The following P2RX3 variants were observed in gnomAD, a reference collection of about 807,000 sequenced individuals.
P2RX3 encodes the protein P2X purinoceptor 3.
In P2RX3, 41 loss-of-function variants were observed where a neutral mutation model predicts 51.5. The ratio of observed to expected loss-of-function variants is 0.80; its 90% CI spans 0.62 to 1.03. The LOEUF (loss-of-function observed/expected upper bound fraction) is 1.03, where lower values mean the gene tolerates loss of function less well. Ranked by LOEUF, P2RX3 falls within the 50% of genes least tolerant of loss-of-function variation. The probability of loss-of-function intolerance (pLI) is 0.00; values close to 1 mark genes in which losing one functional copy is unlikely to be tolerated. For missense variants in P2RX3, 459 were observed against 522.1 expected (o/e 0.88, Z 1.18); for synonymous variants, 185 against 191.6 (o/e 0.97, Z 0.29).
intron 8 of P2RX3, among the ~76,000 whole-genome samples, chr11:57,352,524 C>T (rs780634731): frequency 1.3e-5 from 2 of 152,100 alleles, no homozygotes; most frequent in Non-Finnish European, 2.9e-5. Flanking sequence ...TCATAACTTC[C>T]CTTTGGCCAT....
At chr11:57,351,714 T>A (rs955182308) in intron 8 of P2RX3, among the ~76,000 whole-genome samples, 1 of 152,224 alleles carries the variant, frequency 6.6e-6, no homozygotes, top group Non-Finnish European at 1.5e-5. Context: ...TTCTGAATCA[T>A]TCATTTATTG....
At chr11:57,360,617 CCT>C (rs1450268926) in intron 8 of P2RX3, among the ~76,000 whole-genome samples, 2 of 151,152 alleles carry the variant, frequency 1.3e-5, no homozygotes, top group Admixed American at 6.6e-5. Flanking sequence ...ATGGTGAACC[CCT>C]GTCTCTACTA....
intron 8 of P2RX3, among the ~76,000 whole-genome samples, chr11:57,364,196 A>C (rs1856763633): frequency 6.6e-6 from 1 of 152,068 alleles, no homozygotes; most frequent in Non-Finnish European, 1.5e-5. Context: ...CCCACTACCC[A>C]TGGGCATGAG....
At chr11:57,347,219 G>C in intron 3 of P2RX3, 32 bp downstream of exon 3, 2 of 1,607,900 alleles carry the variant, frequency 1.2e-6, no homozygotes, top group Non-Finnish European at 1.7e-6. Context: ...GGTGAAGCAG[G>C]TCAAGGCTGA....
At position 57,371,051 on chromosome 11, in the gene P2RX3, A is replaced by G. The variant is rs1469158110; in HGVS notation, c.*1054A>G. Among the ~76,000 whole-genome samples the G allele has an allele frequency of 6.6e-6, 1 of 152,124 alleles. No individual in the cohort carries two copies. The highest frequency in any genetic ancestry group is 1.5e-5 in the Non-Finnish European group (1 of 68,012). ...GGGGCCTTTTAAACCATCTTATCTA[A>G]CCCTCTTGCTTACAGATGAGCAAAC... On this transcript the variant is annotated 3_prime_UTR_variant, in exon 12 of 12. Transcript: ENST00000263314.
Position 57,363,455 on chromosome 11 carries a change from T to C in P2RX3, c.843-4554T>C, listed in dbSNP as rs553119920. The stretch of plus-strand genomic sequence containing the variant: ...TTCAGGGATCTAGGCTCCTGCCATC[T>C]TGACTCAGTCTCTCTAGAGCCTCAG... On this transcript the variant is annotated intron_variant, in intron 8 of 11. Coordinates refer to ENST00000263314, the MANE Select transcript of P2RX3 (RefSeq NM_002559.5). Among the ~76,000 whole-genome samples the C allele has an allele frequency of 2.0e-5, 3 of 152,308 alleles. No individual in the cohort carries two copies. The East Asian group carries it at 5.8e-4, about 29-fold the overall frequency.
intron 8 of P2RX3, among the ~76,000 whole-genome samples, chr11:57,359,034 G>A (rs912406546): frequency 2.0e-5 from 3 of 152,122 alleles, no homozygotes; most frequent in African/African-American, 7.2e-5. Context: ...ATTCAGCTGG[G>A]GTTTGTGAAG....
At chr11:57,362,153 G>C (rs1296848046) in intron 8 of P2RX3, among the ~76,000 whole-genome samples, 1 of 152,178 alleles carries the variant, frequency 6.6e-6, no homozygotes, top group African/African-American at 2.4e-5. Flanking sequence ...GGTGGAAAAG[G>C]GAGGCAAGAG....
upstream of P2RX3, among the ~76,000 whole-genome samples, chr11:57,336,211 C>T (rs551698642): frequency 9.2e-5 from 14 of 152,156 alleles, no homozygotes; most frequent in South Asian, 2.9e-3. Flanking sequence ...GTCGATGGGA[C>T]AAGAAGAGAA....
At chr11:57,336,071 G>T (rs907155427), upstream of P2RX3, among the ~76,000 whole-genome samples, 1 of 152,190 alleles carries the variant, frequency 6.6e-6, no homozygotes, top group African/African-American at 2.4e-5. Flanking sequence ...TTCTTCAGTC[G>T]AGACTAGATA....
intron 1 of P2RX3, among the ~76,000 whole-genome samples, chr11:57,346,015 T>G (rs1856425156): frequency 6.6e-6 from 1 of 152,076 alleles, no homozygotes. Context: ...CTTTATTGAT[T>G]TGTTTACTGA....
intron 8 of P2RX3, among the ~76,000 whole-genome samples, chr11:57,358,893 A>ACG (rs1856670983): frequency 6.6e-6 from 1 of 152,160 alleles, no homozygotes; most frequent in South Asian, 2.1e-4. Flanking sequence ...ACACTCACAC[A>ACG]CACACGCACT....
rs553325394 is a variant in P2RX3, at chr11:57,339,441, A to G, written c.119+772A>G. ...ACCTCTCCCTGACCCTGTGCCATGTAACCCATCCTAGGAGTTGCTTAAGAG... is the reference window on the plus strand; with the variant it reads ...ACCTCTCCCTGACCCTGTGCCATGTGACCCATCCTAGGAGTTGCTTAAGAG... On this transcript the variant is annotated intron_variant, in intron 1 of 11. Coordinates refer to ENST00000263314, the MANE Select transcript of P2RX3 (RefSeq NM_002559.5). Among the ~76,000 whole-genome samples, 4 of 152,236 alleles carry G rather than the reference A, an allele frequency of 2.6e-5. No homozygotes were observed. In the East Asian group the frequency reaches 7.7e-4, roughly 29 times the overall value.
chr11:57,353,469 C>A (rs1378107741), intron 8 of P2RX3, among the ~76,000 whole-genome samples: 2 of 152,166 alleles, frequency 1.3e-5, no homozygotes, highest in Non-Finnish European at 2.9e-5. Context: ...ATGATCTCCA[C>A]CCCAGCCAGG....
chr11:57,343,711 C>G (rs942284588), intron 1 of P2RX3, among the ~76,000 whole-genome samples: 7 of 152,214 alleles, frequency 4.6e-5, no homozygotes, highest in Non-Finnish European at 1.0e-4. Context: ...AAAACCATTT[C>G]CTTAGGTCGA....
intron 11 of P2RX3, 102 bp from the exon 12 acceptor site, chr11:57,369,782 G>T: frequency 1.2e-6 from 1 of 820,688 alleles, no homozygotes; most frequent in South Asian, 1.5e-5. Context: ...CTCCCCTCAT[G>T]ACTAGGTCAT....
intron 8 of P2RX3, among the ~76,000 whole-genome samples, chr11:57,361,172 C>T (rs1856712358): frequency 6.6e-6 from 1 of 152,240 alleles, no homozygotes; most frequent in Non-Finnish European, 1.5e-5. Context: ...TTCAGAAACA[C>T]CACGTTCTTT....
intron 8 of P2RX3, among the ~76,000 whole-genome samples, chr11:57,358,303 A>C (rs1856661994): frequency 6.6e-6 from 1 of 152,222 alleles, no homozygotes; most frequent in African/African-American, 2.4e-5. Context: ...TGTAGGGAGA[A>C]CTTTGAAGGT....
Position 57,348,608 on chromosome 11 carries a change from C to G in P2RX3, c.486-19C>G, listed in dbSNP as rs775895044. The stretch of plus-strand genomic sequence containing the variant: ...CCTCTTCTTCCTGGAAAGCTAAGGC[C>G]TCCTGTGCTCACCCACAGGCCCATC... On this transcript the variant is annotated intron_variant, in intron 5 of 11. Coordinates refer to ENST00000263314, the MANE Select transcript of P2RX3 (RefSeq NM_002559.5). The G allele has an allele frequency of 3.7e-6, 6 of 1,605,620 alleles. No homozygotes were observed. Among genetic ancestry groups the G allele is most frequent in the Non-Finnish European group, 5.1e-6 (6 of 1,172,496 alleles).
Sources: allele counts gnomAD v4.1 joint callset (sites outside exome capture counted in the v4.1 genomes callset), GRCh38; gene constraint gnomAD v4.1.1; transcripts MANE v1.5; gene names NCBI Gene and HGNC (gene_info 2026-07-23, HGNC 2026-07-21).